Variants in MAPK10 observed in about 807,000 individuals in gnomAD.
MAPK10 encodes the protein JNK3 alpha protein kinase.
Under a neutral mutation model 59.3 loss-of-function variants are expected in MAPK10, and 25 were observed. The ratio of observed to expected loss-of-function variants is 0.42; its 90% confidence interval spans 0.31 to 0.59. MAPK10 has a LOEUF of 0.59. MAPK10 is among the 20% of genes least tolerant of loss of function. The pLI is 0.15. For synonymous variants in MAPK10, 190 were observed against 200.5 expected (o/e 0.95, Z 0.44); for missense variants, 351 against 568.9 (o/e 0.62, Z 3.90).
chr4:86,320,677 CA>C (rs1287963923), intron 2 of MAPK10, among the ~76,000 whole-genome samples: 1 of 152,174 alleles, frequency 6.6e-6, no homozygotes, highest in Non-Finnish European at 1.5e-5. Context: ...TCCCATTTGT[CA>C]ATTTTGGCTT....
intron 2 of MAPK10, among the ~76,000 whole-genome samples, chr4:86,308,099 C>T (rs2095602725): frequency 6.6e-6 from 1 of 152,062 alleles, no homozygotes; most frequent in African/African-American, 2.4e-5. Flanking sequence ...ATGATGATAT[C>T]ATTCGTACTA....
chr4:86,033,527 C>T, intron 11 of MAPK10, among the ~76,000 whole-genome samples: 1 of 152,196 alleles, frequency 6.6e-6, no homozygotes, highest in East Asian at 1.9e-4. Context: ...ATGCCATTTT[C>T]TTTTTGCAAC....
At chr4:86,485,546 TAAAC>T (rs1266939142) in intron 1 of MAPK10, among the ~76,000 whole-genome samples, 1 of 152,160 alleles carries the variant, frequency 6.6e-6, no homozygotes, top group East Asian at 1.9e-4. Flanking sequence ...TGCAAATAGT[TAAAC>T]AAGGAAGGAA....
At chr4:86,326,990 G>C (rs1280387849) in intron 2 of MAPK10, 1 of 152,038 alleles carries the variant, frequency 6.6e-6, no homozygotes, top group African/African-American at 2.4e-5. Context: ...CATTTAGTAG[G>C]GAATCCATCT....
intron 2 of MAPK10, among the ~76,000 whole-genome samples, chr4:86,258,271 G>A (rs2148732666): frequency 6.6e-6 from 1 of 152,178 alleles, no homozygotes; most frequent in Non-Finnish European, 1.5e-5. Flanking sequence ...ACTAGATTGT[G>A]TATAACTAAC....
At chr4:86,381,364 T>G (rs1400067329) in intron 1 of MAPK10, among the ~76,000 whole-genome samples, 1 of 152,114 alleles carries the variant, frequency 6.6e-6, no homozygotes, top group Non-Finnish European at 1.5e-5. Context: ...CAAACCACCA[T>G]CAGGCTCTCC....
In MAPK10 at chr4:86,097,084, T is replaced by A. The variant is rs1049133721; in HGVS notation, c.802+1440A>T. ...TATATTTAACCCAATATATTCATAA[T>A]GCTATCACCTTAACACAAGCTATAT... On this transcript the variant is annotated intron_variant, in intron 9 of 13. Coordinates refer to ENST00000641462, the MANE Select transcript of MAPK10 (RefSeq NM_138982.4). Among the ~76,000 whole-genome samples the A allele has an allele frequency of 1.7e-4, 26 of 152,038 alleles. 2 individuals are homozygous for A.
At chr4:86,146,647 A>G (rs1057074978) in intron 4 of MAPK10, among the ~76,000 whole-genome samples, 8 of 152,312 alleles carry the variant, frequency 5.3e-5, no homozygotes, top group Admixed American at 2.0e-4. Flanking sequence ...TACACGTTAC[A>G]AGATGAATAT....
intron 13 of MAPK10, chr4:86,024,332 A>G (rs1294268205): frequency 6.6e-6 from 1 of 152,220 alleles, no homozygotes; most frequent in Non-Finnish European, 1.5e-5. Context: ...AACAAAAGCC[A>G]AAGTAGCTTT....
chr4:86,500,104 G>T (rs779728324), intron 1 of MAPK10, among the ~76,000 whole-genome samples: 2 of 152,128 alleles, frequency 1.3e-5, no homozygotes, highest in Non-Finnish European at 2.9e-5. Flanking sequence ...CAACTGATTT[G>T]CCAGCCATCT....
chr4:86,423,778 T>G (rs1265350293), intron 1 of MAPK10, among the ~76,000 whole-genome samples: 1 of 144,916 alleles, frequency 6.9e-6, no homozygotes, highest in Non-Finnish European at 1.5e-5. Context: ...TACATATATA[T>G]ATATATATAT....
chr4:86,333,709 A>G (rs999374690), intron 2 of MAPK10, among the ~76,000 whole-genome samples: 3 of 152,138 alleles, frequency 2.0e-5, no homozygotes, highest in African/African-American at 7.2e-5. Flanking sequence ...CAGCTCTACC[A>G]TATACTGGTT....
At chr4:86,106,621 A>G (rs551061644) in intron 5 of MAPK10, among the ~76,000 whole-genome samples, 1 of 151,918 alleles carries the variant, frequency 6.6e-6, no homozygotes, top group Non-Finnish European at 1.5e-5. Context: ...AAAGTCCTTT[A>G]CTGGTCTACC....
At chr4:86,580,973 T>G (rs1762223357) in intron 1 of MAPK10, among the ~76,000 whole-genome samples, 1 of 152,160 alleles carries the variant, frequency 6.6e-6, no homozygotes, top group African/African-American at 2.4e-5. Flanking sequence ...CTTCCAAGAT[T>G]CTCCCAGAGT....
At chr4:86,339,511 G>T (rs562645241) in intron 2 of MAPK10, among the ~76,000 whole-genome samples, 1 of 152,332 alleles carries the variant, frequency 6.6e-6, no homozygotes, top group East Asian at 1.9e-4. Context: ...TCAGGACACA[G>T]TGAGAGCCTC....
intron 1 of MAPK10, among the ~76,000 whole-genome samples, chr4:86,365,376 G>A (rs1737669804): frequency 7.8e-6 from 1 of 128,834 alleles, no homozygotes; most frequent in African/African-American, 2.9e-5. Flanking sequence ...AGGTTGCAGT[G>A]AACCGAGACT....
chr4:86,456,685 A>G (rs952665948), upstream of MAPK10, among the ~76,000 whole-genome samples: 8 of 152,192 alleles, frequency 5.3e-5, no homozygotes, highest in Non-Finnish European at 8.8e-5. Context: ...AACAAAAAAA[A>G]GTCCGGAACC....
At chr4:86,505,432 G>A (rs185451083) in intron 1 of MAPK10, among the ~76,000 whole-genome samples, 1 of 152,112 alleles carries the variant, frequency 6.6e-6, no homozygotes, top group Admixed American at 6.6e-5. Flanking sequence ...GCAACATAGA[G>A]AGACCTCATC....
intron 1 of MAPK10, among the ~76,000 whole-genome samples, chr4:86,570,451 A>T (rs886977258): frequency 2.6e-5 from 4 of 152,124 alleles, no homozygotes; most frequent in African/African-American, 9.7e-5. Context: ...GTATTATGAA[A>T]ATAATACTCA....
Sources: allele counts gnomAD v4.1 joint callset (sites outside exome capture counted in the v4.1 genomes callset), GRCh38; gene constraint gnomAD v4.1.1; transcripts MANE v1.5; gene names NCBI Gene and HGNC (gene_info 2026-07-23, HGNC 2026-07-21).